Variants in COL15A1 observed in about 807,000 individuals in gnomAD.
COL15A1 encodes collagen type XV alpha 1 chain, also known as collagen alpha-1(XV) chain.
Under a neutral mutation model 165.9 loss-of-function variants are expected in COL15A1, and 111 were observed. The ratio of observed to expected loss-of-function variants is 0.67; its 90% CI spans 0.57 to 0.78. The LOEUF is 0.78. Ranked by LOEUF, COL15A1 falls within the 30% of genes least tolerant of loss-of-function variation. The pLI is 0.00. For synonymous variants in COL15A1, 659 were observed against 674.8 expected (o/e 0.98, Z 0.36); for missense variants, 1,745 against 1,789.7 (o/e 0.98, Z 0.45).
intron 23 of COL15A1, chr9:99,041,197 A>G (rs755593654): frequency 6.6e-6 from 1 of 152,540 alleles, no homozygotes; most frequent in Non-Finnish European, 1.5e-5. Context: ...ACATATTTGT[A>G]TATATTAGGC....
intron 9 of COL15A1, among the ~76,000 whole-genome samples, chr9:99,008,894 G>A (rs1838804176): frequency 6.6e-6 from 1 of 152,232 alleles, no homozygotes. Flanking sequence ...ACAGGCATGA[G>A]CCACTGCGCC....
rs985871885 is a variant in COL15A1, at chr9:99,009,647, A to G, written c.1353+4597A>G. Reference sequence around the variant, plus strand: ...AAATAGGATCACAGGTCATTGTAAAATAAGTCATTCATTTAGCCAAAGTGA... The same window carrying G: ...AAATAGGATCACAGGTCATTGTAAAGTAAGTCATTCATTTAGCCAAAGTGA... On this transcript the variant is annotated intron_variant, in intron 9 of 41. Coordinates refer to ENST00000375001, the MANE Select transcript of COL15A1 (RefSeq NM_001855.5). Among the ~76,000 whole-genome samples the G allele has an allele frequency of 2.6e-5, 4 of 152,360 alleles. No individual in the cohort carries two copies. In the East Asian group the frequency reaches 5.8e-4, roughly 22 times the overall value.
intron 26 of COL15A1, among the ~76,000 whole-genome samples, chr9:99,045,178 A>G (rs142939654): frequency 5.3e-5 from 8 of 152,322 alleles, no homozygotes; most frequent in Non-Finnish European, 8.8e-5. Flanking sequence ...GCCAAAACCC[A>G]GACGCTTGTG....
chr9:99,035,340 C>G lies in COL15A1; in HGVS notation c.2221-10C>G. 2 of 1,614,168 alleles carry G rather than the reference C, an allele frequency of 1.2e-6. No homozygotes were observed. The highest frequency in any genetic ancestry group is 1.7e-6 in the Non-Finnish European group (2 of 1,180,032). On this transcript the variant is annotated splice_polypyrimidine_tract_variant and intron_variant, in intron 18 of 41. Transcript: ENST00000375001. ...TGGATCTGAAATTCTCATTCTTGCT[C>G]CTTCCCCAGGATACCGAAGGCTCTG...
At chr9:99,048,449 G>A (rs1038504389) in intron 28 of COL15A1, among the ~76,000 whole-genome samples, 4 of 152,194 alleles carry the variant, frequency 2.6e-5, no homozygotes, top group Non-Finnish European at 5.9e-5. Flanking sequence ...CAGCAGCAGG[G>A]ACCCTGGTCT....
At chr9:99,022,901 T>G (rs1242766241) in intron 13 of COL15A1, among the ~76,000 whole-genome samples, 1 of 152,226 alleles carries the variant, frequency 6.6e-6, no homozygotes, top group Non-Finnish European at 1.5e-5. Context: ...GCACCCAGTG[T>G]GTCTCAGGTT....
rs1167114429 is a variant in COL15A1, at chr9:99,052,395, C to T, written c.2912C>T (p.Thr971Ile). ...GCCTTCCTCTCTTTCCAGGTTGATA[C>T]TGCTCATCCTGGGAGTCCAGAGCTC... Reference protein sequence around the residue: ...VRPHCKMPVDTAHPGSPELIT... With the variant: ...VRPHCKMPVDIAHPGSPELIT... Residue 971 changes from threonine to isoleucine, a missense_variant, in exon 31 of 42, where the codon ACT becomes ATT. Coordinates refer to ENST00000375001, the MANE Select transcript of COL15A1 (RefSeq NM_001855.5). The T allele has an allele frequency of 6.8e-6, 11 of 1,611,640 alleles. No homozygotes were observed. The South Asian group carries it at 9.9e-5, about 14-fold the overall frequency.
chr9:98,984,508 A>G (rs1346977600), intron 2 of COL15A1, among the ~76,000 whole-genome samples: 1 of 152,198 alleles, frequency 6.6e-6, no homozygotes, highest in Non-Finnish European at 1.5e-5. Context: ...TCTAAGCCTC[A>G]GTTTTCTCAG....
At chr9:98,945,187 A>T (rs1196956112) in intron 2 of COL15A1, among the ~76,000 whole-genome samples, 1 of 152,014 alleles carries the variant, frequency 6.6e-6, no homozygotes, top group Non-Finnish European at 1.5e-5. Flanking sequence ...CAATGCAAGT[A>T]TTTTTATTTT....
chr9:99,001,202 GCGT>G (rs1838648194), intron 7 of COL15A1, among the ~76,000 whole-genome samples: 1 of 152,154 alleles, frequency 6.6e-6, no homozygotes, highest in African/African-American at 2.4e-5. Context: ...TGATGAGCGA[GCGT>G]CCAGGCCTCA....
intron 2 of COL15A1, among the ~76,000 whole-genome samples, chr9:98,960,975 C>T (rs1837855965): frequency 1.3e-5 from 2 of 152,168 alleles, no homozygotes; most frequent in South Asian, 4.1e-4. Context: ...GAATCATTGA[C>T]CTTCCAGTGG....
Position 98,992,914 on chromosome 9 carries a change from A to G in COL15A1, c.804+3656A>G, listed in dbSNP as rs113151798. On this transcript the variant is annotated intron_variant, in intron 5 of 41. Transcript: ENST00000375001. Reference sequence around the variant, plus strand: ...GGGGGGCTATGAAATCAATCCCCAGACTATCTGGAAAAGTGAAAAAGAAAA... The same window carrying G: ...GGGGGGCTATGAAATCAATCCCCAGGCTATCTGGAAAAGTGAAAAAGAAAA... 1.6e-3 allele frequency among the ~76,000 whole-genome samples: 244 copies of G among 152,254 alleles called. 1 individual carries two copies. Among genetic ancestry groups the G allele is most frequent in the African/African-American group, 5.6e-3 (233 of 41,542 alleles).
chr9:99,062,308 A>G lies in COL15A1; in HGVS notation c.3591+4A>G. The G allele has an allele frequency of 6.2e-7, 1 of 1,605,728 alleles. No homozygotes were observed. Among genetic ancestry groups the G allele is most frequent in the Non-Finnish European group, 8.5e-7 (1 of 1,172,264 alleles). On this transcript the variant is annotated splice_donor_region_variant and intron_variant, in intron 38 of 41. Coordinates refer to ENST00000375001, the MANE Select transcript of COL15A1 (RefSeq NM_001855.5). ...ACCCCCTGCGCTTTCCAGCAACGTG[A>G]GTAGTTACCCTGTTGGACTGCTCAT...
At chr9:99,068,302 C>T (rs1286901113) in intron 40 of COL15A1, among the ~76,000 whole-genome samples, 1 of 151,728 alleles carries the variant, frequency 6.6e-6, no homozygotes, top group Non-Finnish European at 1.5e-5. Context: ...CCTGCCTCTA[C>T]TAAAAATACA....
chr9:99,024,054 A>G (rs1254099530), intron 14 of COL15A1, among the ~76,000 whole-genome samples: 2 of 152,102 alleles, frequency 1.3e-5, no homozygotes, highest in Non-Finnish European at 2.9e-5. Context: ...TCTGTCCCTG[A>G]GAGCCTGTGC....
chr9:98,969,166 T>C (rs1010469990), intron 2 of COL15A1, among the ~76,000 whole-genome samples: 2 of 152,318 alleles, frequency 1.3e-5, no homozygotes, highest in Non-Finnish European at 2.9e-5. Flanking sequence ...AGGGGAAAAT[T>C]GCACAAAGCT....
intron 21 of COL15A1, 47 bp from the exon 22 acceptor site, chr9:99,038,621 A>G: frequency 8.5e-7 from 1 of 1,170,226 alleles, no homozygotes; most frequent in Non-Finnish European, 1.3e-6. Flanking sequence ...AACAAGGCAG[A>G]ACACATGCCA....
At chr9:98,956,019 G>C (rs1336474688) in intron 2 of COL15A1, among the ~76,000 whole-genome samples, 2 of 152,176 alleles carry the variant, frequency 1.3e-5, no homozygotes, top group Admixed American at 1.3e-4. Flanking sequence ...AATACCAAGG[G>C]TATGGCTGGG....
chr9:99,022,256 G>T (rs1262650679), intron 13 of COL15A1, 106 bp downstream of exon 13: 2 of 1,439,012 alleles, frequency 1.4e-6, no homozygotes, highest in South Asian at 2.3e-5. Flanking sequence ...AAAGTATCTT[G>T]CAGTCAGACC....
Sources: allele counts gnomAD v4.1 joint callset (sites outside exome capture counted in the v4.1 genomes callset), GRCh38; gene constraint gnomAD v4.1.1; transcripts MANE v1.5; gene names NCBI Gene and HGNC (gene_info 2026-07-23, HGNC 2026-07-21).